The following MYO5A variants were observed in gnomAD, a reference collection of about 807,000 sequenced individuals.
The protein encoded by MYO5A is myosin VA.
MYO5A carries 98 observed loss-of-function variants against 249.7 expected under a neutral mutation model. That is an observed-to-expected ratio of 0.39 (90% CI 0.33 to 0.46). MYO5A has a LOEUF of 0.46. MYO5A is among the 20% of genes least tolerant of loss of function. The pLI, the probability that MYO5A is intolerant of heterozygous loss-of-function variation, is 0.98. For synonymous variants in MYO5A, 778 were observed against 810.6 expected, an observed-to-expected ratio of 0.96 and a Z score of 0.68; for missense variants, 1,696 against 2,308.8, an observed-to-expected ratio of 0.73 and a Z score of 5.44.
Position 52,393,285 on chromosome 15 carries a change from C to T in MYO5A, c.1402-1215G>A, listed in dbSNP as rs142406338. ...AGGACCCCATGCCCTGTGAAACTTACGTGCCACAAGATTTCCAATGCATAC... is the reference window on the plus strand; with the variant it reads ...AGGACCCCATGCCCTGTGAAACTTATGTGCCACAAGATTTCCAATGCATAC... On this transcript the variant is annotated intron_variant, in intron 11 of 41. Coordinates refer to ENST00000399233, the MANE Select transcript of MYO5A (RefSeq NM_001382347.1). Among the ~76,000 whole-genome samples the T allele has an allele frequency of 3.9e-4, 60 of 152,300 alleles. 2 individuals carry two copies. In the South Asian group the frequency reaches 9.5e-3, roughly 24 times the overall value.
chr15:52,478,969 T>G (rs977070437), intron 1 of MYO5A, among the ~76,000 whole-genome samples: 8 of 152,138 alleles, frequency 5.3e-5, no homozygotes, highest in Non-Finnish European at 1.2e-4. Context: ...CCATGTGCAG[T>G]CTATGTCTGT....
At chr15:52,378,486 C>A (rs2041547000) in intron 18 of MYO5A, among the ~76,000 whole-genome samples, 1 of 77,054 alleles carries the variant, frequency 1.3e-5, no homozygotes, top group Non-Finnish European at 2.7e-5. Flanking sequence ...CCACTGTACT[C>A]CAGCCTGGGT....
At chr15:52,460,030 A>G (rs1410961393) in intron 1 of MYO5A, among the ~76,000 whole-genome samples, 1 of 130,264 alleles carries the variant, frequency 7.7e-6, no homozygotes, top group Non-Finnish European at 1.6e-5. Context: ...GGGCAGAGGC[A>G]CTCTTTATAT....
intron 1 of MYO5A, among the ~76,000 whole-genome samples, chr15:52,457,560 T>C (rs998984282): frequency 5.9e-5 from 9 of 151,972 alleles, no homozygotes; most frequent in Admixed American, 3.3e-4. Context: ...TACAATGAGA[T>C]ATAATCTCAC....
chr15:52,509,069 T>C (rs924032948), intron 1 of MYO5A, among the ~76,000 whole-genome samples: 2 of 152,182 alleles, frequency 1.3e-5, no homozygotes, highest in East Asian at 3.9e-4. Flanking sequence ...CCTCTCGGGC[T>C]CAAGTGATCT....
At chr15:52,396,125 G>A (rs976363150) in intron 11 of MYO5A, among the ~76,000 whole-genome samples, 191 bp downstream of exon 11, 2 of 152,120 alleles carry the variant, frequency 1.3e-5, no homozygotes, top group Admixed American at 1.3e-4. Flanking sequence ...TGCAATCCAA[G>A]GATAACCTTG....
At chr15:52,512,364 G>T (rs1269816444) in intron 1 of MYO5A, among the ~76,000 whole-genome samples, 2 of 151,906 alleles carry the variant, frequency 1.3e-5, no homozygotes, top group Non-Finnish European at 2.9e-5. Context: ...TATCGCAGGG[G>T]TCTCGTTCAG....
intron 18 of MYO5A, 38 bp from the exon 19 acceptor site, chr15:52,376,596 T>C: frequency 6.4e-7 from 1 of 1,559,474 alleles, no homozygotes; most frequent in Non-Finnish European, 8.8e-7. Context: ...GAAATAATAA[T>C]CATATAAGTG....
rs1374833596 is a variant in MYO5A, at chr15:52,322,873, C to T, written c.4800+482G>A. 3.3e-5 allele frequency among the ~76,000 whole-genome samples: 5 copies of T among 150,284 alleles called. No individual in the cohort carries two copies. The East Asian group carries it at 9.7e-4, about 29-fold the overall frequency. On this transcript the variant is annotated intron_variant, in intron 37 of 41. Coordinates refer to ENST00000399233, the MANE Select transcript of MYO5A (RefSeq NM_001382347.1). ...AACTTTAAGTTTTAGGGTACATGTG[C>T]ACAATGTGCAGGTTAGTTACATATG...
intron 1 of MYO5A, among the ~76,000 whole-genome samples, chr15:52,445,881 G>T (rs1595698322): frequency 6.6e-6 from 1 of 152,170 alleles, no homozygotes; most frequent in South Asian, 2.1e-4. Context: ...TGGCCCGACT[G>T]CTTCGAACAG....
intron 1 of MYO5A, among the ~76,000 whole-genome samples, chr15:52,473,157 T>G (rs2076513531): frequency 6.6e-6 from 1 of 152,252 alleles, no homozygotes; most frequent in African/African-American, 2.4e-5. Flanking sequence ...TGATGAGCAT[T>G]TTTTCATGTG....
chr15:52,336,770 C>A (rs746232333), intron 33 of MYO5A, among the ~76,000 whole-genome samples: 1 of 152,242 alleles, frequency 6.6e-6, no homozygotes, highest in Non-Finnish European at 1.5e-5. Flanking sequence ...AACTCCTTTA[C>A]AGCGTGATGG....
intron 1 of MYO5A, among the ~76,000 whole-genome samples, chr15:52,480,384 T>C (rs983426621): frequency 4.6e-5 from 7 of 152,182 alleles, no homozygotes; most frequent in Non-Finnish European, 8.8e-5. Context: ...AATCTTACAA[T>C]TGTTTAGCGA....
chr15:52,410,003 G>T (rs2043180411), intron 6 of MYO5A, among the ~76,000 whole-genome samples: 1 of 152,096 alleles, frequency 6.6e-6, no homozygotes, highest in East Asian at 1.9e-4. Flanking sequence ...AACTTATTGA[G>T]AGCATGGAAC....
chr15:52,423,445 G>A (rs1427886066), intron 4 of MYO5A, among the ~76,000 whole-genome samples: 8 of 152,014 alleles, frequency 5.3e-5, no homozygotes, highest in African/African-American at 1.9e-4. Context: ...CCAGCTACTC[G>A]GGAGGCTGAG....
chr15:52,486,540 A>T (rs572951244), intron 1 of MYO5A, among the ~76,000 whole-genome samples: 1 of 152,304 alleles, frequency 6.6e-6, no homozygotes, highest in South Asian at 2.1e-4. Flanking sequence ...TTTAAAAGAG[A>T]TTAGACTTAT....
At chr15:52,499,412 T>C (rs2077107729) in intron 1 of MYO5A, among the ~76,000 whole-genome samples, 1 of 152,228 alleles carries the variant, frequency 6.6e-6, no homozygotes, top group African/African-American at 2.4e-5. Context: ...CTTTGTTGTG[T>C]AACCATCACC....
At chr15:52,357,452 C>CAAAAAAAAAAAAAA (rs35645503) in intron 25 of MYO5A, among the ~76,000 whole-genome samples, 1 of 93,736 alleles carries the variant, frequency 1.1e-5, no homozygotes, top group South Asian at 2.9e-4. Flanking sequence ...CTAGAACTAG[C>CAAAAAAAAAAAAAA]AAAAAAAAAA....
intron 1 of MYO5A, among the ~76,000 whole-genome samples, chr15:52,497,820 C>T (rs1368582117): frequency 2.1e-5 from 3 of 142,066 alleles, no homozygotes; most frequent in Non-Finnish European, 4.6e-5. Context: ...AACTTAAAAA[C>T]TGCCAAATTT....
Sources: allele counts gnomAD v4.1 joint callset (sites outside exome capture counted in the v4.1 genomes callset), GRCh38; gene constraint gnomAD v4.1.1; transcripts MANE v1.5; gene names NCBI Gene and HGNC (gene_info 2026-07-23, HGNC 2026-07-21).